ST3GAL3: variants seen among roughly 807,000 people sequenced by gnomAD.
ST3GAL3 encodes ST3 beta-galactoside alpha-2,3-sialyltransferase 3, also known as CMP-N-acetylneuraminate-beta-1,4-galactoside alpha-2,3-sialyltransferase.
A neutral mutation model predicts 50.1 loss-of-function variants in ST3GAL3; 21 were observed. The ratio of observed to expected loss-of-function variants is 0.42; its 90% CI spans 0.30 to 0.60. The LOEUF (loss-of-function observed/expected upper bound fraction) is 0.60. Among genes scored for constraint, ST3GAL3 ranks in the 20% least tolerant of loss-of-function variants. ST3GAL3 has a pLI of 0.19. For synonymous variants in ST3GAL3, 183 were observed against 190.0 expected, an observed-to-expected ratio of 0.96 and a Z score of 0.30; for missense variants, 353 against 489.4, an observed-to-expected ratio of 0.72 and a Z score of 2.63.
intron 9 of ST3GAL3, among the ~76,000 whole-genome samples, chr1:43,918,119 C>CTTTT (rs573834844): frequency 7.5e-6 from 1 of 133,904 alleles, no homozygotes; most frequent in African/African-American, 2.9e-5. Flanking sequence ...TTTTCTTTCT[C>CTTTT]TTTTTTTTTT....
intron 2 of ST3GAL3, among the ~76,000 whole-genome samples, chr1:43,783,555 C>T (rs937232379): frequency 6.6e-6 from 1 of 152,204 alleles, no homozygotes; most frequent in Non-Finnish European, 1.5e-5. Flanking sequence ...TTTTCCATTT[C>T]CTTTATCAGC....
chr1:43,735,101 G>C (rs1435127004), intron 1 of ST3GAL3, among the ~76,000 whole-genome samples: 1 of 152,182 alleles, frequency 6.6e-6, no homozygotes, highest in Non-Finnish European at 1.5e-5. Flanking sequence ...ATGGATTGGA[G>C]AGTAAATCGA....
At chr1:43,892,195 G>A (rs2076779718) in intron 5 of ST3GAL3, among the ~76,000 whole-genome samples, 1 of 152,160 alleles carries the variant, frequency 6.6e-6, no homozygotes, top group African/African-American at 2.4e-5. Flanking sequence ...CGCCTGCCTT[G>A]GCCTCCCAAA....
In ST3GAL3 at chr1:43,894,407, C is replaced by T. The variant is rs2077075555; in HGVS notation, c.327C>T (p.Phe109=). ...FPRFSKPAPM[F]LDDSFRKWAR... is the part of the protein sequence containing the mutation. ...GGTTCTCCAAGCCAGCACCCATGTT[C>T]CTGGATGACTCCTTTCGCAAGTGGG... The change falls in exon 6 of 12, where the codon TTC becomes TTT. Residue 109 remains phenylalanine (F), a synonymous_variant. Coordinates refer to ENST00000347631, the MANE Select transcript of ST3GAL3 (RefSeq NM_006279.5). The T allele has an allele frequency of 6.2e-7, 1 of 1,614,064 alleles. No individual in the cohort carries two copies. The highest frequency in any genetic ancestry group is 1.3e-5 in the African/African-American group (1 of 74,932).
At chr1:43,738,970 C>T (rs1342317384) in intron 2 of ST3GAL3, 2 of 152,112 alleles carry the variant, frequency 1.3e-5, no homozygotes, top group Non-Finnish European at 1.5e-5. Context: ...TCTTTATACT[C>T]GGAATCTCAT....
At chr1:43,734,497 A>G (rs567309275) in intron 1 of ST3GAL3, among the ~76,000 whole-genome samples, 40 of 151,474 alleles carry the variant, frequency 2.6e-4, no homozygotes, top group Admixed American at 5.3e-4. Flanking sequence ...TTTTGTAGAG[A>G]TAGGATCTCA....
At chr1:43,767,399 C>A (rs1471471472) in intron 2 of ST3GAL3, among the ~76,000 whole-genome samples, 1 of 151,996 alleles carries the variant, frequency 6.6e-6, no homozygotes, top group Non-Finnish European at 1.5e-5. Flanking sequence ...AAAGGTCCTT[C>A]TTTATATGTC....
At chr1:43,905,572 C>A (rs1342931372) in intron 9 of ST3GAL3, among the ~76,000 whole-genome samples, 3 of 84,266 alleles carry the variant, frequency 3.6e-5, no homozygotes, top group Admixed American at 1.0e-4. Flanking sequence ...CACTGTTTCT[C>A]CCCCTCCTCC....
At chr1:43,773,824 TCCAATTTAATATCA>T (rs932602378) in intron 2 of ST3GAL3, among the ~76,000 whole-genome samples, 1 of 152,208 alleles carries the variant, frequency 6.6e-6, no homozygotes, top group Admixed American at 6.5e-5. Flanking sequence ...AACCAAATGA[TCCAATTTAATATCA>T]CCAGTAGTGG....
At chr1:43,740,558 G>A (rs989898790) in intron 2 of ST3GAL3, among the ~76,000 whole-genome samples, 1 of 151,762 alleles carries the variant, frequency 6.6e-6, no homozygotes, top group African/African-American at 2.4e-5. Flanking sequence ...GACTGAGGAG[G>A]GAGGATTTCT....
chr1:43,788,668 T>G (rs2057654746), intron 2 of ST3GAL3, among the ~76,000 whole-genome samples: 1 of 152,228 alleles, frequency 6.6e-6, no homozygotes, highest in Non-Finnish European at 1.5e-5. Context: ...ATTTACTAGC[T>G]TATTTCTTAG....
intron 4 of ST3GAL3, among the ~76,000 whole-genome samples, chr1:43,834,475 G>C (rs527834453): frequency 6.6e-6 from 1 of 152,180 alleles, no homozygotes; most frequent in Non-Finnish European, 1.5e-5. Context: ...TGACCTCCCT[G>C]TTGCCGAATC....
At chr1:43,760,422 A>G (rs1159763789) in intron 2 of ST3GAL3, among the ~76,000 whole-genome samples, 1 of 152,318 alleles carries the variant, frequency 6.6e-6, no homozygotes, top group East Asian at 1.9e-4. Flanking sequence ...TAATGCGCAA[A>G]TGACTACTGT....
chr1:43,734,953 A>G, intron 1 of ST3GAL3, among the ~76,000 whole-genome samples: 1 of 151,944 alleles, frequency 6.6e-6, no homozygotes, highest in East Asian at 1.9e-4. Context: ...CTTTTACATC[A>G]AAGGATGCAT....
intron 4 of ST3GAL3, among the ~76,000 whole-genome samples, chr1:43,815,179 G>A (rs1394104879): frequency 6.6e-6 from 1 of 152,176 alleles, no homozygotes; most frequent in Non-Finnish European, 1.5e-5. Context: ...ATAGAAGGAG[G>A]CCACTGCCAG....
chr1:43,925,801 C>T (rs868642183), intron 11 of ST3GAL3, among the ~76,000 whole-genome samples: 184 of 152,278 alleles, frequency 1.2e-3, no homozygotes, highest in African/African-American at 4.0e-3. Context: ...GGTGCCACAT[C>T]GTGGAGGCCA....
intron 9 of ST3GAL3, among the ~76,000 whole-genome samples, chr1:43,918,915 A>G (rs2082535435): frequency 6.6e-6 from 1 of 151,826 alleles, no homozygotes; most frequent in South Asian, 2.1e-4. Context: ...TCTTATGTTT[A>G]TTGCTCAATA....
intron 5 of ST3GAL3, chr1:43,858,036 T>A: frequency 1.1e-6 from 1 of 872,436 alleles, no homozygotes; most frequent in Non-Finnish European, 1.6e-6. Flanking sequence ...TTGAGAAGTG[T>A]CGGACTACAG....
At chr1:43,832,930 A>G (rs186463922) in intron 4 of ST3GAL3, among the ~76,000 whole-genome samples, 1 of 152,194 alleles carries the variant, frequency 6.6e-6, no homozygotes, top group Non-Finnish European at 1.5e-5. Flanking sequence ...ACGCTCATGC[A>G]TGTCCCCCTA....
Sources: gnomAD v4.1 joint callset for allele counts (sites outside exome capture counted in the v4.1 genomes callset) on GRCh38, gnomAD v4.1.1 for gene constraint, MANE v1.5 for transcripts, NCBI Gene and HGNC (gene_info 2026-07-23, HGNC 2026-07-21) for gene names.